Variants in TTC23 observed in about 807,000 individuals in gnomAD.
TTC23 encodes tetratricopeptide repeat domain 23.
A neutral mutation model predicts 55.1 loss-of-function variants in TTC23; 58 were observed. The ratio of observed to expected loss-of-function variants is 1.05; its 90% CI spans 0.85 to 1.31. The LOEUF is 1.31. TTC23 is among the 50% of genes most tolerant of loss of function. TTC23 has a pLI of 0.00. For missense variants in TTC23, 516 were observed against 534.4 expected (o/e 0.97, Z 0.34); for synonymous variants, 203 against 199.9 (o/e 1.02, Z -0.13).
chr15:99,165,065 T>C (rs539588387), intron 10 of TTC23, among the ~76,000 whole-genome samples: 10 of 152,358 alleles, frequency 6.6e-5, no homozygotes, highest in Admixed American at 6.5e-4. Context: ...ATAACAGGAC[T>C]GACATACAGT....
intron 12 of TTC23, chr15:99,148,367 A>AAAAAAAAAAAAAAAAAAAAAAAAAAAC (rs2069236367): frequency 7.1e-6 from 1 of 140,310 alleles, no homozygotes; most frequent in Non-Finnish European, 1.5e-5. Flanking sequence ...TACCAAAAAA[A>AAAAAAAAAAAAAAAAAAAAAAAAAAAC]AAAAAAAAAA....
At chr15:99,250,634 A>G (rs138142998), upstream of TTC23, among the ~76,000 whole-genome samples, 2 of 152,324 alleles carry the variant, frequency 1.3e-5, no homozygotes, top group African/African-American at 4.8e-5. Context: ...TAACAGCATA[A>G]AGCCCTCTTT....
intron 2 of TTC23, among the ~76,000 whole-genome samples, chr15:99,244,401 T>C (rs1332507095): frequency 6.6e-6 from 1 of 151,902 alleles, no homozygotes; most frequent in African/African-American, 2.4e-5. Flanking sequence ...CCACAATAAA[T>C]AAACAAATAA....
At chr15:99,157,813 G>A (rs1401385898) in intron 11 of TTC23, 1 of 152,172 alleles carries the variant, frequency 6.6e-6, no homozygotes, top group East Asian at 1.9e-4. Context: ...TATGCAGGGG[G>A]AAACCCTGTT....
chr15:99,149,982 T>A (rs2069485485), intron 12 of TTC23, among the ~76,000 whole-genome samples: 1 of 152,222 alleles, frequency 6.6e-6, no homozygotes, highest in Admixed American at 6.5e-5. Context: ...GTGGCTGGGC[T>A]GAACCCTAGG....
At chr15:99,184,334 A>G (rs1480923540) in intron 9 of TTC23, among the ~76,000 whole-genome samples, 1 of 152,140 alleles carries the variant, frequency 6.6e-6, no homozygotes, top group Non-Finnish European at 1.5e-5. Flanking sequence ...GTGCTCTGGA[A>G]AAGCCATAGA....
At chr15:99,153,621 GAAC>G (rs1184567105) in intron 12 of TTC23, among the ~76,000 whole-genome samples, 16 of 152,062 alleles carry the variant, frequency 1.1e-4, no homozygotes, top group African/African-American at 3.4e-4. Context: ...GATACATTTA[GAAC>G]AATAAGAGAA....
rs574609168 is a variant in TTC23, at chr15:99,192,362, A to G, written c.759+7557T>C. 1.3e-4 allele frequency among the ~76,000 whole-genome samples: 20 copies of G among 152,208 alleles called. No individual in the cohort carries two copies. In the South Asian group the frequency reaches 4.2e-3, roughly 32 times the overall value. ...ACAGGCCTGGAGGCTTAGGAGGAAA[A>G]AGTGGTTTCACGGGCTGGGCCCAGG... On this transcript the variant is annotated intron_variant, in intron 9 of 13. Transcript: ENST00000394132.
At chr15:99,187,451 G>GAAAAAAA (rs2074779029) in intron 9 of TTC23, among the ~76,000 whole-genome samples, 2 of 10,454 alleles carry the variant, frequency 1.9e-4, no homozygotes, top group Non-Finnish European at 3.4e-4. Context: ...AAAAGCACAA[G>GAAAAAAA]CAAAAAAAAA....
At chr15:99,157,245 T>C (rs1368437254) in intron 11 of TTC23, 1 of 149,356 alleles carries the variant, frequency 6.7e-6, no homozygotes. Flanking sequence ...AGAGTCTCTC[T>C]TTGTCTACCA....
intron 12 of TTC23, among the ~76,000 whole-genome samples, chr15:99,143,072 A>C (rs2068432754): frequency 6.6e-6 from 1 of 152,344 alleles, no homozygotes; most frequent in South Asian, 2.1e-4. Flanking sequence ...GTCAGCTAGG[A>C]GACAGAAACA....
intron 12 of TTC23, chr15:99,139,698 G>A (rs1555489281): frequency 7.3e-7 from 1 of 1,375,884 alleles, no homozygotes; most frequent in Non-Finnish European, 9.6e-7. Context: ...GTACTGACCA[G>A]AGGATGGGCT....
intron 5 of TTC23, among the ~76,000 whole-genome samples, chr15:99,225,081 T>C (rs2078278795): frequency 6.6e-6 from 1 of 152,160 alleles, no homozygotes; most frequent in South Asian, 2.1e-4. Flanking sequence ...GTTTTGATAG[T>C]GAATCTGTCC....
chr15:99,154,983 A>G (rs1555498482), intron 12 of TTC23, among the ~76,000 whole-genome samples: 1 of 152,212 alleles, frequency 6.6e-6, no homozygotes, highest in Non-Finnish European at 1.5e-5. Flanking sequence ...AATAAATTGG[A>G]GGCATAAGAA....
chr15:99,150,065 A>C (rs1231563569), intron 12 of TTC23, among the ~76,000 whole-genome samples: 1 of 152,220 alleles, frequency 6.6e-6, no homozygotes, highest in Admixed American at 6.5e-5. Flanking sequence ...AGGTATTCCC[A>C]GTGGCAGGCA....
At chr15:99,170,340 G>A (rs554697596) in intron 10 of TTC23, among the ~76,000 whole-genome samples, 1 of 152,260 alleles carries the variant, frequency 6.6e-6, no homozygotes, top group East Asian at 1.9e-4. Flanking sequence ...CATTTCGCAC[G>A]CAAGCAGGCA....
chr15:99,204,417 T>G (rs2076438652), intron 8 of TTC23, among the ~76,000 whole-genome samples: 1 of 152,132 alleles, frequency 6.6e-6, no homozygotes, highest in African/African-American at 2.4e-5. Context: ...GCAAATATTT[T>G]CACACATTCT....
chr15:99,165,748 A>G (rs2071986719), intron 10 of TTC23, among the ~76,000 whole-genome samples: 1 of 152,062 alleles, frequency 6.6e-6, no homozygotes, highest in South Asian at 2.1e-4. Flanking sequence ...ATGCGAGAAA[A>G]CGTTGCAGAT....
intron 10 of TTC23, among the ~76,000 whole-genome samples, chr15:99,163,821 G>A (rs1261389068): frequency 1.3e-5 from 2 of 152,186 alleles, no homozygotes; most frequent in Non-Finnish European, 2.9e-5. Context: ...CCAGGAAGCA[G>A]GTCAGGCACC....
Sources: gnomAD v4.1 joint callset for allele counts (sites outside exome capture counted in the v4.1 genomes callset) on GRCh38, gnomAD v4.1.1 for gene constraint, MANE v1.5 for transcripts, NCBI Gene and HGNC (gene_info 2026-07-23, HGNC 2026-07-21) for gene names.